ELL2: variants seen among roughly 807,000 people sequenced by gnomAD.
ELL2 encodes elongation factor for RNA polymerase II 2.
In ELL2, 21 loss-of-function variants were observed where a neutral mutation model predicts 72.8. The ratio of observed to expected loss-of-function variants is 0.29; its 90% CI spans 0.20 to 0.42. ELL2 has a LOEUF of 0.42. ELL2 is among the 10% of genes least tolerant of loss of function. The probability of loss-of-function intolerance (pLI) is 1.00; values close to 1 mark genes in which losing one functional copy is unlikely to be tolerated. For missense variants in ELL2, 568 were observed against 772.8 expected (o/e 0.73, Z 3.14); for synonymous variants, 266 against 283.2 (o/e 0.94, Z 0.61).
rs533796898 is a variant in ELL2, at chr5:95,887,498, A to C, written c.*1373T>G. On this transcript the variant is annotated 3_prime_UTR_variant, in exon 12 of 12. Transcript: ENST00000237853. Reference sequence around the variant, plus strand: ...CATAATGCTTCCCTTTTCAACTGGCAGCACTTTGAAAAGACAATACAATAA... The same window carrying C: ...CATAATGCTTCCCTTTTCAACTGGCCGCACTTTGAAAAGACAATACAATAA... 18 of 152,690 alleles carry C rather than the reference A, an allele frequency of 1.2e-4. No homozygotes were observed. The highest frequency in any genetic ancestry group is 1.8e-4 in the Non-Finnish European group (12 of 68,038). 9.5% of individuals were successfully genotyped at this position (152,690 alleles called of 1,614,324 possible). A position where few individuals can be genotyped will look rare whatever the true frequency, so the allele number is the denominator to read the frequency against.
chr5:95,915,563 G>A (rs767659307), intron 3 of ELL2, among the ~76,000 whole-genome samples: 5 of 152,190 alleles, frequency 3.3e-5, no homozygotes, highest in Non-Finnish European at 7.3e-5. Context: ...TAACAGTTGT[G>A]GTCCCTCTTT....
chr5:95,911,669 G>A (rs1749607050), intron 4 of ELL2, among the ~76,000 whole-genome samples: 1 of 151,966 alleles, frequency 6.6e-6, no homozygotes, highest in Non-Finnish European at 1.5e-5. Context: ...TAAGAATAGT[G>A]TGGCCAGTTT....
At chr5:95,924,438 T>C (rs972846504) in intron 2 of ELL2, among the ~76,000 whole-genome samples, 2 of 152,090 alleles carry the variant, frequency 1.3e-5, no homozygotes, top group Admixed American at 6.5e-5. Context: ...CTTTGTGAGA[T>C]AGAAACTTCT....
intron 9 of ELL2, among the ~76,000 whole-genome samples, chr5:95,894,377 T>A (rs1033605394): frequency 6.6e-6 from 1 of 152,234 alleles, no homozygotes; most frequent in South Asian, 2.1e-4. Context: ...GTCACTATTA[T>A]AAAAAAGAAT....
chr5:95,940,093 C>A (rs1750916161), intron 2 of ELL2, among the ~76,000 whole-genome samples: 1 of 152,196 alleles, frequency 6.6e-6, no homozygotes, highest in South Asian at 2.1e-4. Context: ...TCAACTGCTA[C>A]CATAGATATT....
intron 1 of ELL2, among the ~76,000 whole-genome samples, chr5:95,945,026 C>G (rs1480045655): frequency 1.3e-5 from 2 of 152,150 alleles, no homozygotes; most frequent in African/African-American, 4.8e-5. Context: ...TTTCTAGATC[C>G]ATTTCATCCT....
At chr5:95,931,447 G>A (rs1472308338) in intron 2 of ELL2, among the ~76,000 whole-genome samples, 2 of 152,008 alleles carry the variant, frequency 1.3e-5, no homozygotes, top group African/African-American at 2.4e-5. Context: ...TTACTATAAT[G>A]AGATGTTTTA....
intron 2 of ELL2, among the ~76,000 whole-genome samples, chr5:95,934,774 T>G (rs1460431585): frequency 6.6e-6 from 1 of 152,246 alleles, no homozygotes; most frequent in Non-Finnish European, 1.5e-5. Context: ...GTTTTTCTCC[T>G]TAGAGTCTTG....
At chr5:95,936,490 C>G (rs1200893936) in intron 2 of ELL2, among the ~76,000 whole-genome samples, 1 of 152,110 alleles carries the variant, frequency 6.6e-6, no homozygotes, top group Non-Finnish European at 1.5e-5. Flanking sequence ...AACCTAACTC[C>G]TCAAGAAGGT....
intron 9 of ELL2, among the ~76,000 whole-genome samples, chr5:95,893,408 G>A (rs141412912): frequency 6.2e-4 from 94 of 152,120 alleles, no homozygotes; most frequent in African/African-American, 2.2e-3. Flanking sequence ...TTTTTGAGAT[G>A]GTGTCTTGCT....
intron 8 of ELL2, among the ~76,000 whole-genome samples, chr5:95,897,365 C>A (rs1748914020): frequency 6.6e-6 from 1 of 152,094 alleles, no homozygotes; most frequent in African/African-American, 2.4e-5. Context: ...TTAAAACTGG[C>A]AGCAATGCCA....
chr5:95,955,371 C>T (rs920955971), intron 1 of ELL2, among the ~76,000 whole-genome samples: 1 of 152,154 alleles, frequency 6.6e-6, no homozygotes, highest in East Asian at 1.9e-4. Flanking sequence ...ATAAAATTCC[C>T]TTTTCTTATA....
rs1287578953 is a variant in ELL2, at chr5:95,961,581, G to A, written c.141C>T (p.Ser47=). The change falls in exon 1 of 12, where the codon AGC becomes AGT. Residue 47 remains serine, a synonymous_variant. Transcript: ENST00000237853. The part of the protein sequence containing the change: ...TAIRALETYQ[S]HKNLIPFRPS... The stretch of plus-strand genomic sequence containing the variant: ...TGCCGGCCGGCCCGCTCACCTTGTG[G>A]CTCTGGTAAGTCTCGAGCGCCCGGA... 19 of 1,595,934 alleles carry A rather than the reference G, an allele frequency of 1.2e-5. No individual in the cohort carries two copies. Among genetic ancestry groups the A allele is most frequent in the Non-Finnish European group, 1.4e-5 (17 of 1,172,916 alleles).
rs753864826 is a variant in ELL2 at position 95,886,217 on chromosome 5, T to TA, written c.*2653_*2654insT. On this transcript the variant is annotated 3_prime_UTR_variant, in exon 12 of 12. Transcript: ENST00000237853. ...ATCATTTGTAAGAATCTAAAAGTCT[T>TA]GCAGTAGGGGACGAAAAATGATTAT... 29 of 152,192 alleles carry TA rather than the reference T, an allele frequency of 1.9e-4. No homozygotes were observed. The highest frequency in any genetic ancestry group is 4.0e-4 in the Non-Finnish European group (27 of 68,022). The allele number at this position is 152,192 out of a possible 1,614,324, so 9.4% of individuals were successfully genotyped here.
chr5:95,903,555 T>C (rs1749229428), intron 5 of ELL2, among the ~76,000 whole-genome samples: 1 of 152,122 alleles, frequency 6.6e-6, no homozygotes, highest in Non-Finnish European at 1.5e-5. Context: ...TAAGTCTCTG[T>C]TTCTCAATCC....
At chr5:95,905,459 A>G (rs1749319893) in intron 5 of ELL2, among the ~76,000 whole-genome samples, 1 of 151,778 alleles carries the variant, frequency 6.6e-6, no homozygotes, top group South Asian at 2.1e-4. Context: ...CTGCTTCTCC[A>G]GATATCAAAC....
At position 95,896,504 on chromosome 5, in the gene ELL2, C is replaced by T. The variant is rs542595972; in HGVS notation, c.1526-813G>A. ...TATAAAAGTGAATGTTAGGTAATTT[C>T]TCGGTTTAATATTTTAAAGGACAAA... On this transcript the variant is annotated intron_variant, in intron 8 of 11. Transcript: ENST00000237853. 3.3e-5 allele frequency among the ~76,000 whole-genome samples: 5 copies of T among 152,276 alleles called. No homozygotes were observed. The South Asian group carries it at 8.3e-4, about 25-fold the overall frequency.
intron 2 of ELL2, among the ~76,000 whole-genome samples, chr5:95,924,527 A>AT (rs2112318620): frequency 6.6e-6 from 1 of 152,318 alleles, no homozygotes; most frequent in South Asian, 2.1e-4. Context: ...ACAATCTTGA[A>AT]TTTTTAGCTA....
At chr5:95,912,128 G>A (rs1431784596) in intron 4 of ELL2, among the ~76,000 whole-genome samples, 2 of 152,228 alleles carry the variant, frequency 1.3e-5, no homozygotes, top group Admixed American at 6.5e-5. Flanking sequence ...ATTAGGAAGT[G>A]TATGGACTGT....
Sources: allele counts gnomAD v4.1 joint callset (sites outside exome capture counted in the v4.1 genomes callset), GRCh38; gene constraint gnomAD v4.1.1; transcripts MANE v1.5; gene names NCBI Gene and HGNC (gene_info 2026-07-23, HGNC 2026-07-21).